RIMS2: variants seen among roughly 807,000 people sequenced by gnomAD.
The protein encoded by RIMS2 is regulating synaptic membrane exocytosis 2, also known as regulating synaptic membrane exocytosis protein 2.
In RIMS2, 59 loss-of-function variants were observed where a neutral mutation model predicts 174.4. That is an observed-to-expected ratio of 0.34 (90% CI 0.27 to 0.42). The LOEUF is 0.42. RIMS2 is among the 10% of genes least tolerant of loss of function. The pLI is 1.00. For synonymous variants in RIMS2, 606 were observed against 572.5 expected (o/e 1.06, Z -0.84); for missense variants, 1,620 against 1,666.3 (o/e 0.97, Z 0.48).
intron 19 of RIMS2, among the ~76,000 whole-genome samples, chr8:104,038,103 A>G (rs1252655306): frequency 6.6e-6 from 1 of 152,008 alleles, no homozygotes; most frequent in Non-Finnish European, 1.5e-5. Context: ...ATGAAATCAC[A>G]CCCATCTTGC....
At chr8:103,717,138 C>CTTTTTTTTTT (rs11373218) in intron 2 of RIMS2, among the ~76,000 whole-genome samples, 89 of 113,058 alleles carry the variant, frequency 7.9e-4, no homozygotes, top group Non-Finnish European at 1.2e-3. Flanking sequence ...ATAGTGCCTT[C>CTTTTTTTTTT]TTTTTTTTTT....
chr8:103,516,891 G>A (rs541373838), intron 1 of RIMS2, among the ~76,000 whole-genome samples: 8 of 152,208 alleles, frequency 5.3e-5, no homozygotes, highest in East Asian at 3.9e-4. Context: ...TTTAAAAAAT[G>A]GATATCCCCT....
chr8:104,016,208 A>G (rs1162116228), intron 19 of RIMS2, among the ~76,000 whole-genome samples: 4 of 152,062 alleles, frequency 2.6e-5, no homozygotes, highest in Admixed American at 2.6e-4. Flanking sequence ...TAGACCCTCA[A>G]TAAATCTTTG....
intron 1 of RIMS2, among the ~76,000 whole-genome samples, chr8:103,505,473 TTAAC>T (rs1184590553): frequency 6.6e-6 from 1 of 152,194 alleles, no homozygotes; most frequent in East Asian, 1.9e-4. Context: ...TGTAATTTCT[TTAAC>T]TAGTACCATA....
chr8:103,664,078 T>G (rs1167273644), intron 1 of RIMS2, among the ~76,000 whole-genome samples: 1 of 152,190 alleles, frequency 6.6e-6, no homozygotes, highest in African/African-American at 2.4e-5. Flanking sequence ...GCTAGCCATA[T>G]GTAGAAAGCT....
chr8:104,222,193 C>G (rs988217571), intron 19 of RIMS2, among the ~76,000 whole-genome samples: 2 of 152,140 alleles, frequency 1.3e-5, no homozygotes, highest in Admixed American at 6.5e-5. Context: ...ACTGATTTGT[C>G]GTGTCTCTCC....
At chr8:104,212,380 C>T (rs1467661780) in intron 19 of RIMS2, among the ~76,000 whole-genome samples, 3 of 151,552 alleles carry the variant, frequency 2.0e-5, no homozygotes, top group African/African-American at 7.3e-5. Flanking sequence ...GAGGATGCCA[C>T]AAAGATAGGA....
At chr8:103,589,255 A>T (rs975659967) in intron 1 of RIMS2, among the ~76,000 whole-genome samples, 73 of 151,816 alleles carry the variant, frequency 4.8e-4, no homozygotes, top group African/African-American at 1.6e-3. Context: ...TAATCCATTT[A>T]AAAATGGGGA....
intron 1 of RIMS2, among the ~76,000 whole-genome samples, chr8:103,546,815 A>T (rs13255147): frequency 0.12 from 17,665 of 152,204 alleles, 1,369 homozygotes; most frequent in Non-Finnish European, 0.17. Context: ...CCCACGAAGC[A>T]GTCCCCATCC....
chr8:103,584,910 A>T (rs1237827650), intron 1 of RIMS2, among the ~76,000 whole-genome samples: 1 of 50,736 alleles, frequency 2.0e-5, no homozygotes, highest in African/African-American at 1.0e-4. Context: ...ATGTAAATGG[A>T]CTAAACTTTC....
intron 16 of RIMS2, among the ~76,000 whole-genome samples, chr8:103,979,945 C>T (rs1279559227): frequency 1.3e-5 from 2 of 152,180 alleles, no homozygotes; most frequent in Non-Finnish European, 2.9e-5. Context: ...ACTTAAGTTT[C>T]TTAGCAAGCT....
intron 3 of RIMS2, chr8:103,819,561 T>TG: frequency 1.2e-6 from 2 of 1,613,670 alleles, no homozygotes; most frequent in African/African-American, 1.3e-5. Flanking sequence ...CTCATTTTCA[T>TG]GGGGTTTTTT....
intron 1 of RIMS2, among the ~76,000 whole-genome samples, chr8:103,589,316 G>A (rs909714623): frequency 4.0e-5 from 5 of 124,810 alleles, no homozygotes; most frequent in African/African-American, 1.2e-4. Context: ...TGGCAAAGAG[G>A]CATATGAAAA....
At chr8:103,860,428 T>C (rs2099052166) in intron 3 of RIMS2, among the ~76,000 whole-genome samples, 1 of 152,174 alleles carries the variant, frequency 6.6e-6, no homozygotes, top group Non-Finnish European at 1.5e-5. Flanking sequence ...TCACCGTGCA[T>C]AGTATTTAGC....
At chr8:103,561,456 G>A (rs932724045) in intron 1 of RIMS2, among the ~76,000 whole-genome samples, 3 of 152,004 alleles carry the variant, frequency 2.0e-5, no homozygotes, top group Non-Finnish European at 4.4e-5. Flanking sequence ...TATTGCTTCT[G>A]TAATGATTAA....
At chr8:103,527,750 A>G (rs1834795513) in intron 1 of RIMS2, among the ~76,000 whole-genome samples, 1 of 152,206 alleles carries the variant, frequency 6.6e-6, no homozygotes, top group Non-Finnish European at 1.5e-5. Context: ...ATAGTATTCC[A>G]TGATGTATAT....
chr8:103,883,571 T>C (rs934409524), intron 3 of RIMS2, among the ~76,000 whole-genome samples: 1 of 151,858 alleles, frequency 6.6e-6, no homozygotes, highest in African/African-American at 2.4e-5. Context: ...GTCCTAAGTG[T>C]TTCATATATA....
At chr8:103,987,986 T>C (rs1284648806) in intron 16 of RIMS2, among the ~76,000 whole-genome samples, 3 of 152,190 alleles carry the variant, frequency 2.0e-5, no homozygotes, top group Non-Finnish European at 4.4e-5. Flanking sequence ...AAGATATCAA[T>C]TTTCCATAAA....
At chr8:104,013,706 T>C (rs34555846) in intron 18 of RIMS2, 85 bp downstream of exon 20, 231,030 of 1,089,184 alleles carry the variant, frequency 0.21, 26,999 homozygotes, top group South Asian at 0.36. Flanking sequence ...TGGTCTCTTC[T>C]ATCATCTTTG....
Sources: gnomAD v4.1 joint callset for allele counts (sites outside exome capture counted in the v4.1 genomes callset) on GRCh38, gnomAD v4.1.1 for gene constraint, MANE v1.5 for transcripts, NCBI Gene and HGNC (gene_info 2026-07-23, HGNC 2026-07-21) for gene names.